VOPP1: variants seen among roughly 807,000 people sequenced by gnomAD.
The protein encoded by VOPP1 is WW domain binding protein VOPP1.
A neutral mutation model predicts 23.5 loss-of-function variants in VOPP1; 8 were observed. The ratio of observed to expected loss-of-function variants is 0.34; its 90% CI spans 0.20 to 0.61. The LOEUF is 0.61. Ranked by LOEUF, VOPP1 falls within the 20% of genes least tolerant of loss-of-function variation. The probability of loss-of-function intolerance (pLI) is 0.78; values close to 1 mark genes in which losing one functional copy is unlikely to be tolerated. For missense variants in VOPP1, 174 were observed against 238.1 expected (o/e 0.73, Z 1.77); for synonymous variants, 83 against 97.3 (o/e 0.85, Z 0.86).
chr7:55,505,471 G>A (rs1794648101), intron 2 of VOPP1, among the ~76,000 whole-genome samples: 1 of 151,930 alleles, frequency 6.6e-6, no homozygotes, highest in African/African-American at 2.4e-5. Context: ...GTGGTAAGAC[G>A]GAAAGGTGAC....
intron 1 of VOPP1, among the ~76,000 whole-genome samples, chr7:55,563,243 A>C (rs1423687049): frequency 6.6e-6 from 1 of 152,240 alleles, no homozygotes; most frequent in Non-Finnish European, 1.5e-5. Context: ...GCATAAATAT[A>C]TATTATTAGA....
At chr7:55,468,792 G>A (rs1210739569), downstream of VOPP1, among the ~76,000 whole-genome samples, 3 of 152,202 alleles carry the variant, frequency 2.0e-5, no homozygotes. Flanking sequence ...GGGTACCACG[G>A]GACAGGAGGG....
chr7:55,445,785 C>T (rs575711905), intron 4 of VOPP1, among the ~76,000 whole-genome samples: 186 of 152,312 alleles, frequency 1.2e-3, no homozygotes, highest in South Asian at 0.011. Context: ...CCACTAGCCA[C>T]ATATGGGTAT....
intron 2 of VOPP1, among the ~76,000 whole-genome samples, chr7:55,511,994 A>C (rs995044247): frequency 1.3e-5 from 2 of 152,226 alleles, no homozygotes; most frequent in African/African-American, 4.8e-5. Flanking sequence ...ATAGTTAAAC[A>C]AAACAAAAAC....
At chr7:55,458,462 A>G (rs1009170731) in intron 4 of VOPP1, among the ~76,000 whole-genome samples, 1 of 152,124 alleles carries the variant, frequency 6.6e-6, no homozygotes, top group Non-Finnish European at 1.5e-5. Context: ...GTGACAAATG[A>G]CAATAGTATT....
At chr7:55,534,494 G>C (rs754591990) in intron 1 of VOPP1, among the ~76,000 whole-genome samples, 1 of 152,198 alleles carries the variant, frequency 6.6e-6, no homozygotes, top group Non-Finnish European at 1.5e-5. Flanking sequence ...TAGTCATTTA[G>C]AGCCCTGGGC....
chr7:55,521,040 G>A (rs1795813307), intron 2 of VOPP1, 32 bp downstream of exon 2: 2 of 1,553,896 alleles, frequency 1.3e-6, no homozygotes, highest in Non-Finnish European at 1.7e-6. Context: ...TATGGCCACA[G>A]AATGAAACCA....
At chr7:55,447,486 G>T (rs780803939) in intron 4 of VOPP1, among the ~76,000 whole-genome samples, 11 of 152,190 alleles carry the variant, frequency 7.2e-5, no homozygotes, top group African/African-American at 2.7e-4. Context: ...ACAGGGGAGA[G>T]ACTGACCCCA....
intron 4 of VOPP1, among the ~76,000 whole-genome samples, chr7:55,481,867 C>A (rs1025910121): frequency 6.6e-6 from 1 of 152,198 alleles, no homozygotes; most frequent in African/African-American, 2.4e-5. Flanking sequence ...TGAAACAAAG[C>A]CCCTAGTATC....
chr7:55,557,380 T>G (rs1028665362), intron 1 of VOPP1, among the ~76,000 whole-genome samples: 3 of 151,830 alleles, frequency 2.0e-5, no homozygotes, highest in African/African-American at 7.3e-5. Flanking sequence ...TGCTAAGTGC[T>G]GGTTATCACA....
chr7:55,456,959 T>C (rs901431811), intron 4 of VOPP1, among the ~76,000 whole-genome samples: 3 of 152,116 alleles, frequency 2.0e-5, no homozygotes, highest in African/African-American at 7.2e-5. Context: ...AATATTCTCT[T>C]CTAGCTATTA....
intron 4 of VOPP1, among the ~76,000 whole-genome samples, chr7:55,488,639 G>A (rs919541636): frequency 2.6e-5 from 4 of 152,070 alleles, no homozygotes; most frequent in Admixed American, 6.5e-5. Context: ...CAGCAGGAGC[G>A]CCATGCGAGC....
chr7:55,492,095 C>T (rs530227804), intron 4 of VOPP1, among the ~76,000 whole-genome samples, 187 bp downstream of exon 4: 3 of 152,256 alleles, frequency 2.0e-5, no homozygotes, highest in East Asian at 3.9e-4. Flanking sequence ...AGGTGACGGG[C>T]GTGCGATATA....
intron 4 of VOPP1, among the ~76,000 whole-genome samples, chr7:55,457,085 C>T (rs1791385603): frequency 6.6e-6 from 1 of 152,142 alleles, no homozygotes; most frequent in South Asian, 2.1e-4. Flanking sequence ...GACACCGTGT[C>T]GCCCCAACCC....
At chr7:55,474,226 C>T (rs1252152407) in intron 4 of VOPP1, among the ~76,000 whole-genome samples, 1 of 152,236 alleles carries the variant, frequency 6.6e-6, no homozygotes, top group African/African-American at 2.4e-5. Context: ...CAGATGCCAC[C>T]TGCGCTGCTC....
chr7:55,551,693 G>A (rs1040564712), intron 1 of VOPP1, among the ~76,000 whole-genome samples: 3 of 152,104 alleles, frequency 2.0e-5, no homozygotes, highest in African/African-American at 7.2e-5. Context: ...CATCTTACAC[G>A]CAGTGGGAGG....
In VOPP1 at chr7:55,560,847, A is replaced by G. The variant is rs114814027; in HGVS notation, c.54+11424T>C. Among the ~76,000 whole-genome samples the G allele has an allele frequency of 9.4e-3, 1,422 of 152,070 alleles. 28 individuals carry two copies. Among genetic ancestry groups the G allele is most frequent in the African/African-American group, 0.033 (1,356 of 41,474 alleles). On this transcript the variant is annotated intron_variant, in intron 1 of 4. Transcript: ENST00000285279. Reference sequence around the variant, plus strand: ...TACCAAATGCCTTGTTCATTTTCCAATCCATCAACCATCTTCTAATTTTAC... The same window carrying G: ...TACCAAATGCCTTGTTCATTTTCCAGTCCATCAACCATCTTCTAATTTTAC...
chr7:55,465,221 C>CAA (rs1320109018), intron 4 of VOPP1, among the ~76,000 whole-genome samples: 2 of 152,180 alleles, frequency 1.3e-5, no homozygotes, highest in African/African-American at 4.8e-5. Flanking sequence ...TCTGGATGTA[C>CAA]AAAATACTGT....
chr7:55,446,929 CTG>C (rs1304429064), intron 4 of VOPP1, among the ~76,000 whole-genome samples: 4 of 152,220 alleles, frequency 2.6e-5, no homozygotes, highest in Non-Finnish European at 5.9e-5. Flanking sequence ...GCTGATGTCT[CTG>C]TGATTATGTT....
Sources: allele counts gnomAD v4.1 joint callset (sites outside exome capture counted in the v4.1 genomes callset), GRCh38; gene constraint gnomAD v4.1.1; transcripts MANE v1.5; gene names NCBI Gene and HGNC (gene_info 2026-07-23, HGNC 2026-07-21).